Variants in PLD5 observed in about 807,000 individuals in gnomAD.
PLD5 encodes phospholipase D family member 5, also known as inactive phospholipase D5.
In PLD5, 36 loss-of-function variants were observed where a neutral mutation model predicts 61.1. The observed-to-expected ratio is 0.59, with a 90% confidence interval of 0.45 to 0.78. PLD5 has a LOEUF of 0.78. PLD5 is among the 30% of genes least tolerant of loss of function. The pLI, the probability that PLD5 is intolerant of heterozygous loss-of-function variation, is 0.00. For missense variants in PLD5, 515 were observed against 644.4 expected (o/e 0.80, Z 2.17); for synonymous variants, 243 against 242.8 (o/e 1.00, Z -0.01).
At chr1:242,123,270 A>G (rs1662526029) in intron 6 of PLD5, among the ~76,000 whole-genome samples, 1 of 152,250 alleles carries the variant, frequency 6.6e-6, no homozygotes, top group Admixed American at 6.5e-5. Flanking sequence ...TCTGGTCCCA[A>G]AAACAGCATC....
chr1:242,247,271 C>A (rs1413107454), intron 4 of PLD5, among the ~76,000 whole-genome samples: 3 of 152,286 alleles, frequency 2.0e-5, no homozygotes, highest in Admixed American at 2.0e-4. Flanking sequence ...CGTGAGCCAC[C>A]GCGCCCGGCC....
At chr1:242,411,428 G>A (rs1664551302) in intron 1 of PLD5, among the ~76,000 whole-genome samples, 1 of 152,048 alleles carries the variant, frequency 6.6e-6, no homozygotes, top group Admixed American at 6.5e-5. Context: ...GTAGAGGCGG[G>A]GTTTCACCGT....
intron 1 of PLD5, 115 bp downstream of exon 1, chr1:242,523,973 C>T: frequency 1.7e-6 from 2 of 1,188,124 alleles, no homozygotes. Flanking sequence ...ACGTCGGCGC[C>T]TGCCAGGATC....
chr1:242,130,091 G>A (rs1458180086), intron 5 of PLD5, among the ~76,000 whole-genome samples: 4 of 145,674 alleles, frequency 2.7e-5, no homozygotes, highest in African/African-American at 2.6e-5. Flanking sequence ...TCACTCTGTC[G>A]CCCAGGCTGG....
intron 6 of PLD5, among the ~76,000 whole-genome samples, chr1:242,115,680 T>C (rs1233891092): frequency 1.5e-5 from 2 of 136,898 alleles, no homozygotes; most frequent in African/African-American, 5.9e-5. Flanking sequence ...TCTTGGAGTT[T>C]TTTTCTTTTC....
At chr1:242,295,839 T>G (rs1424309996) in intron 2 of PLD5, among the ~76,000 whole-genome samples, 1 of 152,224 alleles carries the variant, frequency 6.6e-6, no homozygotes, top group Admixed American at 6.5e-5. Flanking sequence ...CCATTCTGAC[T>G]GGTGTGAAAT....
intron 5 of PLD5, among the ~76,000 whole-genome samples, chr1:242,166,240 A>C (rs1299109137): frequency 1.3e-5 from 2 of 152,192 alleles, no homozygotes; most frequent in Non-Finnish European, 1.5e-5. Flanking sequence ...CAGCATAAAC[A>C]AGCTCCCTAT....
chr1:242,098,347 G>A (rs997716013), intron 9 of PLD5, among the ~76,000 whole-genome samples: 11 of 151,982 alleles, frequency 7.2e-5, no homozygotes, highest in Admixed American at 2.0e-4. Context: ...CCAGTTGATC[G>A]AATCGGCTAC....
chr1:242,502,627 T>C (rs1668589909), intron 1 of PLD5, among the ~76,000 whole-genome samples: 1 of 152,114 alleles, frequency 6.6e-6, no homozygotes, highest in African/African-American at 2.4e-5. Flanking sequence ...ATTTACATGT[T>C]TATGGGTGCT....
intron 5 of PLD5, among the ~76,000 whole-genome samples, chr1:242,142,437 TC>T (rs1221809121): frequency 6.6e-6 from 1 of 152,146 alleles, no homozygotes; most frequent in African/African-American, 2.4e-5. Flanking sequence ...TACAAAATAT[TC>T]CCCTTTGTAT....
At chr1:242,183,889 C>T (rs59295263) in intron 5 of PLD5, among the ~76,000 whole-genome samples, 63,058 of 151,534 alleles carry the variant, frequency 0.42, 13,804 homozygotes, top group African/African-American at 0.55. Context: ...AGCGAGACTC[C>T]GTCTCAAAAT....
chr1:242,323,588 T>C (rs1222564870), intron 2 of PLD5, among the ~76,000 whole-genome samples: 1 of 152,166 alleles, frequency 6.6e-6, no homozygotes, highest in African/African-American at 2.4e-5. Flanking sequence ...AACAAATCAC[T>C]CCAGTCCCTT....
intron 4 of PLD5, chr1:242,235,449 A>G (rs1671576085): frequency 1.3e-5 from 2 of 152,216 alleles, no homozygotes; most frequent in African/African-American, 4.8e-5. Flanking sequence ...TGTATATCCT[A>G]AAAAGGTCCC....
chr1:242,472,200 G>A (rs537675154), intron 1 of PLD5, among the ~76,000 whole-genome samples: 25 of 152,264 alleles, frequency 1.6e-4, no homozygotes, highest in East Asian at 1.2e-3. Flanking sequence ...TTCCCACCAC[G>A]GAGCTACTTG....
At chr1:242,142,396 GCAGA>G (rs1166554517) in intron 5 of PLD5, among the ~76,000 whole-genome samples, 1 of 152,154 alleles carries the variant, frequency 6.6e-6, no homozygotes, top group African/African-American at 2.4e-5. Flanking sequence ...ATAGATAAGA[GCAGA>G]CATTTATCTG....
intron 1 of PLD5, among the ~76,000 whole-genome samples, chr1:242,496,377 A>G (rs1668369951): frequency 6.6e-6 from 1 of 152,230 alleles, no homozygotes; most frequent in Non-Finnish European, 1.5e-5. Flanking sequence ...ACAGATTGAC[A>G]TCCCTTTCAA....
At chr1:242,355,811 C>T (rs1331242275) in intron 1 of PLD5, among the ~76,000 whole-genome samples, 1 of 152,096 alleles carries the variant, frequency 6.6e-6, no homozygotes, top group Non-Finnish European at 1.5e-5. Flanking sequence ...TCATTTGTCT[C>T]AAGACATTTT....
At chr1:242,136,408 C>T (rs759408483) in intron 5 of PLD5, among the ~76,000 whole-genome samples, 2 of 152,196 alleles carry the variant, frequency 1.3e-5, no homozygotes, top group South Asian at 2.1e-4. Context: ...GTAGACTGGT[C>T]GTATTTTTCA....
Position 242,105,693 on chromosome 1 carries a change from T to G in PLD5, c.1239+1978A>C, listed in dbSNP as rs1230533967. The stretch of plus-strand genomic sequence containing the variant: ...CTAAAGCTCAATAATAGAAAATAAG[T>G]ATGAAAAATCCTTTAAGTGGCCAGT... On this transcript the variant is annotated intron_variant, in intron 8 of 9. Coordinates refer to ENST00000536534, the MANE Select transcript of PLD5 (RefSeq NM_001372062.1). Among the ~76,000 whole-genome samples the G allele has an allele frequency of 2.6e-5, 4 of 152,228 alleles. No individual in the cohort carries two copies. The East Asian group carries it at 7.7e-4, about 29-fold the overall frequency.
Sources: allele counts gnomAD v4.1 joint callset (sites outside exome capture counted in the v4.1 genomes callset), GRCh38; gene constraint gnomAD v4.1.1; transcripts MANE v1.5; gene names NCBI Gene and HGNC (gene_info 2026-07-23, HGNC 2026-07-21).